The following SERINC5 variants were observed in gnomAD, a reference collection of about 807,000 sequenced individuals.
SERINC5 encodes the protein serine incorporator 5.
Under a neutral mutation model 63.1 loss-of-function variants are expected in SERINC5, and 41 were observed. The observed-to-expected ratio is 0.65, with a 90% CI of 0.51 to 0.84. The LOEUF (loss-of-function observed/expected upper bound fraction) is 0.84. SERINC5 is among the 40% of genes least tolerant of loss of function. The probability of loss-of-function intolerance (pLI) is 0.00; values close to 1 mark genes in which losing one functional copy is unlikely to be tolerated. For synonymous variants in SERINC5, 222 were observed against 215.2 expected (o/e 1.03, Z -0.28); for missense variants, 523 against 573.0 (o/e 0.91, Z 0.89).
At chr5:80,160,642 A>G (rs1746823128) in intron 7 of SERINC5, among the ~76,000 whole-genome samples, 1 of 152,144 alleles carries the variant, frequency 6.6e-6, no homozygotes, top group Admixed American at 6.6e-5. Flanking sequence ...TAGTGTATCT[A>G]TCACCAAATA....
At chr5:80,243,050 T>G (rs1377948639) in intron 1 of SERINC5, among the ~76,000 whole-genome samples, 2 of 152,186 alleles carry the variant, frequency 1.3e-5, no homozygotes, top group African/African-American at 2.4e-5. Flanking sequence ...CCTTCTTCCT[T>G]GGCAATCCTT....
At chr5:80,169,786 G>A (rs1307220719) in intron 5 of SERINC5, among the ~76,000 whole-genome samples, 1 of 152,176 alleles carries the variant, frequency 6.6e-6, no homozygotes, top group Non-Finnish European at 1.5e-5. Flanking sequence ...TCAACAATGA[G>A]AGAATTCCAC....
rs557984936 is a variant in SERINC5 at position 80,194,146 on chromosome 5, C to A, written c.195+8740G>T. ...GCAGAAAGAGAACTTTTGAAAAGCA[C>A]TCCATCTCAGCTGGATTTTAAAAAA... On this transcript the variant is annotated intron_variant, in intron 2 of 11. Transcript: ENST00000507668. 1.1e-4 allele frequency among the ~76,000 whole-genome samples: 17 copies of A among 152,352 alleles called. No individual in the cohort carries two copies. In the South Asian group the frequency reaches 3.5e-3, roughly 32 times the overall value.
At chr5:80,247,091 T>G (rs1752200797) in intron 1 of SERINC5, among the ~76,000 whole-genome samples, 1 of 152,226 alleles carries the variant, frequency 6.6e-6, no homozygotes, top group Non-Finnish European at 1.5e-5. Context: ...GTACTAAAAA[T>G]AGCTTGGTCA....
Position 80,139,996 on chromosome 5 carries a change from C to A in SERINC5, c.*3667G>T. The A allele has an allele frequency of 1.0e-6, 1 of 985,318 alleles. No homozygotes were observed. Among genetic ancestry groups the A allele is most frequent in the Non-Finnish European group, 1.2e-6 (1 of 829,922 alleles). The allele number at this position is 985,318 out of a possible 1,614,324, so 61.0% of individuals were successfully genotyped here. A position where few individuals can be genotyped will look rare whatever the true frequency, so the allele number is the denominator to read the frequency against. On this transcript the variant is annotated 3_prime_UTR_variant, in exon 12 of 12. Coordinates refer to ENST00000507668, the MANE Select transcript of SERINC5 (RefSeq NM_001174072.3). ...ATTTCCTTCGCAGGAAGGTGAAGCA[C>A]CAATGATGGCAAAAATTAAATAAAT...
chr5:80,191,479 CAAAAAAAAA>C (rs1167390197), intron 2 of SERINC5, among the ~76,000 whole-genome samples: 4 of 38,542 alleles, frequency 1.0e-4, no homozygotes, highest in Non-Finnish European at 2.4e-4. Context: ...TCCATCTCTA[CAAAAAAAAA>C]AAAAAAAGAA....
chr5:80,208,212 G>C (rs1750261967), intron 1 of SERINC5, among the ~76,000 whole-genome samples: 1 of 152,070 alleles, frequency 6.6e-6, no homozygotes. Context: ...ATGGACTTTA[G>C]GTGGTAGTGA....
intron 4 of SERINC5, among the ~76,000 whole-genome samples, chr5:80,175,776 A>T (rs754977773): frequency 6.6e-6 from 1 of 150,980 alleles, no homozygotes; most frequent in Non-Finnish European, 1.5e-5. Context: ...AGGCAGGAGA[A>T]TCACTTGAAC....
chr5:80,170,607 A>G (rs1266979729), intron 5 of SERINC5, among the ~76,000 whole-genome samples: 16 of 152,168 alleles, frequency 1.1e-4, no homozygotes, highest in Non-Finnish European at 2.4e-4. Context: ...TAGCTTCTCC[A>G]TTCTGACTAT....
In SERINC5 at chr5:80,139,606, G is replaced by GAGAGAGAGAGAT. The variant is rs529718750; in HGVS notation, c.*4056_*4057insATCTCTCTCTCT. Reference sequence around the variant, plus strand: ...GTTGAGAAAGAAGAAAAGAGAGAGAGAGAGAAAGGTCTAAACATCTGTGTG... The same window carrying GAGAGAGAGAGAT: ...GTTGAGAAAGAAGAAAAGAGAGAGAGAGAGAGAGAGATAGAGAAAGGTCTAAACATCTGTGTG... On this transcript the variant is annotated 3_prime_UTR_variant, in exon 12 of 12. Coordinates refer to ENST00000507668, the MANE Select transcript of SERINC5 (RefSeq NM_001174072.3). 1.4e-3 allele frequency: 1,368 copies of GAGAGAGAGAGAT among 985,252 alleles called. 8 individuals are homozygous for GAGAGAGAGAGAT. The African/African-American group carries it at 0.021, about 15-fold the overall frequency. The allele number at this position is 985,252 out of a possible 1,614,324, so 61.0% of individuals were successfully genotyped here. A position where few individuals can be genotyped will look rare whatever the true frequency, so the allele number is the denominator to read the frequency against.
intron 1 of SERINC5, among the ~76,000 whole-genome samples, chr5:80,212,670 G>GGGGGGT (rs1750490121): frequency 7.1e-6 from 1 of 140,876 alleles, no homozygotes; most frequent in African/African-American, 2.6e-5. Flanking sequence ...TGGGGTGGGG[G>GGGGGGT]GGGGGTGTTG....
At chr5:80,250,844 T>C (rs140061100) in intron 1 of SERINC5, among the ~76,000 whole-genome samples, 383 of 152,250 alleles carry the variant, frequency 2.5e-3, no homozygotes, top group African/African-American at 8.8e-3. Context: ...TTCCTGACTC[T>C]TGAGCCACCG....
intron 11 of SERINC5, among the ~76,000 whole-genome samples, chr5:80,131,079 G>T (rs1744927142): frequency 1.3e-5 from 2 of 152,118 alleles, no homozygotes; most frequent in Non-Finnish European, 2.9e-5. Context: ...AAGAGTGTGA[G>T]GATGGTGACT....
At chr5:80,207,687 ATG>A (rs1173186626) in intron 1 of SERINC5, among the ~76,000 whole-genome samples, 8 of 152,248 alleles carry the variant, frequency 5.3e-5, no homozygotes, top group Non-Finnish European at 1.2e-4. Flanking sequence ...GTACATATAT[ATG>A]TGTCTATATG....
chr5:80,196,508 T>C (rs1157853578), intron 2 of SERINC5, among the ~76,000 whole-genome samples: 2 of 152,054 alleles, frequency 1.3e-5, no homozygotes, highest in African/African-American at 2.4e-5. Flanking sequence ...TACTACACAA[T>C]CCAGCAATTC....
chr5:80,208,091 C>T (rs1354590833), intron 1 of SERINC5, among the ~76,000 whole-genome samples: 3 of 152,134 alleles, frequency 2.0e-5, no homozygotes, highest in South Asian at 4.1e-4. Flanking sequence ...GCCAGGGTTT[C>T]GTTACCCCTG....
At position 80,252,885 on chromosome 5, in the gene SERINC5, G is replaced by C. The variant is rs550054318; in HGVS notation, c.27+3011C>G. The stretch of plus-strand genomic sequence containing the variant: ...TCTTTTATGGGTTACATATTGTTCA[G>C]GATGGTCCGCAGTTAAAGAAAGTCA... On this transcript the variant is annotated intron_variant, in intron 1 of 11. Transcript: ENST00000507668. Among the ~76,000 whole-genome samples, 5 of 152,288 alleles carry C rather than the reference G, an allele frequency of 3.3e-5. No homozygotes were observed. The South Asian group carries it at 8.3e-4, about 25-fold the overall frequency.
At chr5:80,162,035 A>C (rs527424927) in intron 7 of SERINC5, among the ~76,000 whole-genome samples, 2 of 152,282 alleles carry the variant, frequency 1.3e-5, no homozygotes, top group East Asian at 3.9e-4. Context: ...ATGTGGCTTT[A>C]CTTCTGGGTT....
At chr5:80,113,183 G>T (rs904036649) in intron 12 of SERINC5, among the ~76,000 whole-genome samples, 2 of 152,092 alleles carry the variant, frequency 1.3e-5, no homozygotes, top group Admixed American at 1.3e-4. Context: ...TGGAACAAAA[G>T]GTTAAATATT....
Sources: gnomAD v4.1 joint callset for allele counts (sites outside exome capture counted in the v4.1 genomes callset) on GRCh38, gnomAD v4.1.1 for gene constraint, MANE v1.5 for transcripts, NCBI Gene and HGNC (gene_info 2026-07-23, HGNC 2026-07-21) for gene names.